The following PRICKLE2 variants were observed in gnomAD, a reference collection of about 807,000 sequenced individuals.
PRICKLE2 encodes the protein prickle planar cell polarity protein 2.
Under a neutral mutation model 81.4 loss-of-function variants are expected in PRICKLE2, and 21 were observed. That is an observed-to-expected ratio of 0.26 (90% CI 0.18 to 0.37). PRICKLE2 has a LOEUF of 0.37. Among genes scored for constraint, PRICKLE2 ranks in the 10% least tolerant of loss-of-function variants. PRICKLE2 has a pLI of 1.00. For synonymous variants in PRICKLE2, 456 were observed against 421.5 expected, an observed-to-expected ratio of 1.08 and a Z score of -1.00; for missense variants, 940 against 1,109.0, an observed-to-expected ratio of 0.85 and a Z score of 2.16.
chr3:64,258,792 C>G (rs1408127031), intron 2 of PRICKLE2, among the ~76,000 whole-genome samples: 1 of 130,496 alleles, frequency 7.7e-6, no homozygotes, highest in Non-Finnish European at 1.6e-5. Flanking sequence ...CCACTGCACT[C>G]TAGCCTGGGC....
rs2076557316 is a variant in PRICKLE2 at position 64,095,344 on chromosome 3, T to C, written c.*3707A>G. The C allele has an allele frequency of 6.6e-6, 1 of 152,202 alleles. No individual in the cohort carries two copies. The highest frequency in any genetic ancestry group is 2.4e-5 in the African/African-American group (1 of 41,454). The allele number at this position is 152,202 out of a possible 1,614,324, so 9.4% of individuals were successfully genotyped here. A position where few individuals can be genotyped will look rare whatever the true frequency, so the allele number is the denominator to read the frequency against. On this transcript the variant is annotated 3_prime_UTR_variant, in exon 8 of 8. Coordinates refer to ENST00000638394, the MANE Select transcript of PRICKLE2 (RefSeq NM_198859.4). Reference sequence around the variant, plus strand: ...GTAATTATGCTTCCTAAACTGTTTTTGTTCTACGGCAAGAGAACCAAGAGT... The same window carrying C: ...GTAATTATGCTTCCTAAACTGTTTTCGTTCTACGGCAAGAGAACCAAGAGT...
intron 2 of PRICKLE2, chr3:64,174,751 G>A (rs2077992511): frequency 1.4e-5 from 3 of 213,016 alleles, no homozygotes; most frequent in South Asian, 8.7e-5. Context: ...ATTTTACAAT[G>A]TGAACTGTGA....
rs777374375 is a variant in PRICKLE2, at chr3:64,098,016, G to A, written c.*1035C>T. 6.6e-6 allele frequency: 1 copy of A among 152,618 alleles called. No homozygotes were observed. Among genetic ancestry groups the A allele is most frequent in the Non-Finnish European group, 1.5e-5 (1 of 68,048 alleles). The allele number at this position is 152,618 out of a possible 1,614,324, so 9.5% of individuals were successfully genotyped here. On this transcript the variant is annotated 3_prime_UTR_variant, in exon 8 of 8. Transcript: ENST00000638394. The stretch of plus-strand genomic sequence containing the variant: ...TGCTTTGAGGACAACCGGTTGTCAG[G>A]CTAAGGCAGCAGTTCTGTCTGCCTT...
At chr3:64,236,649 T>C (rs1470737801) in intron 2 of PRICKLE2, among the ~76,000 whole-genome samples, 2 of 152,250 alleles carry the variant, frequency 1.3e-5, no homozygotes, top group Non-Finnish European at 2.9e-5. Context: ...CTAATTTATC[T>C]TGGTTTGAAA....
At chr3:64,265,119 G>T (rs556302252) in intron 2 of PRICKLE2, among the ~76,000 whole-genome samples, 1 of 151,698 alleles carries the variant, frequency 6.6e-6, no homozygotes, top group African/African-American at 2.4e-5. Context: ...AGAGGAGCAG[G>T]ATATGAAAAA....
Position 64,099,383 on chromosome 3 carries a change from T to C in PRICKLE2, c.2203A>G (p.Ser735Gly), listed in dbSNP as rs777735377. Reference protein sequence around the residue: ...QFMRQRSFQESMGHGSRRDLY... With the variant: ...QFMRQRSFQEGMGHGSRRDLY... ...TCCCTCCGGGACCCATGCCCCATGCTCTCCTGGAAGCTCCGCTGGCGCATA... is the reference window on the plus strand; with the variant it reads ...TCCCTCCGGGACCCATGCCCCATGCCCTCCTGGAAGCTCCGCTGGCGCATA... The change falls in exon 8 of 8, where the codon AGC becomes GGC. Residue 735 changes from serine to glycine, a missense_variant. Physicochemically the swap from Ser to Gly is moderately conservative, Grantham distance 56. Around this residue, in one of 2 missense-constraint regions of PRICKLE2, gnomAD observed 670 missense variants for 717.2 expected, o/e 0.93. Transcript: ENST00000638394. This position sits in a 1 kb window ranked among gnomAD's most constrained non-coding sequence, Gnocchi z 4.3. The C allele has an allele frequency of 6.2e-7, 1 of 1,605,408 alleles. No individual in the cohort carries two copies. Among genetic ancestry groups the C allele is most frequent in the East Asian group, 2.2e-5 (1 of 44,668 alleles).
Position 64,096,250 on chromosome 3 carries a change from A to AT in PRICKLE2, c.*2800dup, listed in dbSNP as rs1415649287. ...AAATCAGTCTCTTGAAGATGGAATT[A>AT]TGATCTAAGAGGAAGTGAGTACAGG... On this transcript the variant is annotated 3_prime_UTR_variant, in exon 8 of 8. Transcript: ENST00000638394. 1 of 152,268 alleles carries AT rather than the reference A, an allele frequency of 6.6e-6. No homozygotes were observed. The highest frequency in any genetic ancestry group is 1.5e-5 in the Non-Finnish European group (1 of 68,066). 9.4% of individuals were successfully genotyped at this position (152,268 alleles called of 1,614,324 possible). A position where few individuals can be genotyped will look rare whatever the true frequency, so the allele number is the denominator to read the frequency against.
At chr3:64,178,550 G>C (rs1004024237) in intron 2 of PRICKLE2, among the ~76,000 whole-genome samples, 1 of 152,154 alleles carries the variant, frequency 6.6e-6, no homozygotes, top group Non-Finnish European at 1.5e-5. Context: ...TTCCCCCTTT[G>C]TGCCTGGAAG....
At chr3:64,257,573 G>A (rs547638650) in intron 2 of PRICKLE2, among the ~76,000 whole-genome samples, 8 of 152,264 alleles carry the variant, frequency 5.3e-5, no homozygotes, top group African/African-American at 1.9e-4. Flanking sequence ...TCTTTAGCTG[G>A]GTGTTTACTC....
intron 2 of PRICKLE2, among the ~76,000 whole-genome samples, chr3:64,263,601 C>T (rs2079647930): frequency 6.6e-6 from 1 of 152,118 alleles, no homozygotes; most frequent in Non-Finnish European, 1.5e-5. Context: ...AGGCCTTGAG[C>T]ATTAGGAAAT....
chr3:64,202,251 A>C (rs2078596989), intron 1 of PRICKLE2, among the ~76,000 whole-genome samples: 1 of 152,154 alleles, frequency 6.6e-6, no homozygotes, highest in Non-Finnish European at 1.5e-5. Context: ...ATAAAATATG[A>C]ATTTTAGGAT....
intron 2 of PRICKLE2, among the ~76,000 whole-genome samples, chr3:64,231,315 A>T (rs869364): frequency 0.65 from 99,232 of 152,156 alleles, 35,522 homozygotes; most frequent in Non-Finnish European, 0.8. Context: ...TAGGCATACC[A>T]TTGCACATTT....
At chr3:64,157,650 G>C (rs962477664) in intron 4 of PRICKLE2, among the ~76,000 whole-genome samples, 12 of 152,158 alleles carry the variant, frequency 7.9e-5, no homozygotes, top group Admixed American at 6.5e-4. Flanking sequence ...AACGTACAGG[G>C]GCTCTGCAGG....
At chr3:64,108,468 C>T (rs567149881) in intron 7 of PRICKLE2, among the ~76,000 whole-genome samples, 3 of 152,026 alleles carry the variant, frequency 2.0e-5, no homozygotes, top group Non-Finnish European at 4.4e-5. Flanking sequence ...AACGCCACCA[C>T]ATGTTTCTTG....
At chr3:64,110,203 G>T (rs907291777) in intron 7 of PRICKLE2, among the ~76,000 whole-genome samples, 2 of 152,164 alleles carry the variant, frequency 1.3e-5, no homozygotes, top group Non-Finnish European at 2.9e-5. Context: ...TTTGCTCTGG[G>T]TTTACACTGA....
intron 2 of PRICKLE2, among the ~76,000 whole-genome samples, chr3:64,188,346 C>A (rs1200659024): frequency 1.3e-5 from 2 of 152,224 alleles, no homozygotes; most frequent in African/African-American, 4.8e-5. Context: ...GTGGCCTCAT[C>A]TATTCCTAGC....
chr3:64,152,552 ATT>A (rs11331326), intron 6 of PRICKLE2, among the ~76,000 whole-genome samples: 6 of 144,822 alleles, frequency 4.1e-5, no homozygotes, highest in East Asian at 2.0e-4. Flanking sequence ...AGCTTTTGCT[ATT>A]TTTTTTTTTT....
intron 1 of PRICKLE2, among the ~76,000 whole-genome samples, chr3:64,204,626 G>T (rs943518827): frequency 4.6e-5 from 7 of 151,022 alleles, no homozygotes. Flanking sequence ...AAGGAGGGGG[G>T]AAGAAAAGGA....
intron 7 of PRICKLE2, among the ~76,000 whole-genome samples, chr3:64,134,147 A>T (rs557152769): frequency 1.3e-5 from 2 of 152,314 alleles, no homozygotes; most frequent in South Asian, 4.1e-4. Flanking sequence ...CATTACATTT[A>T]CTCAGGAAGC....
Sources: allele counts gnomAD v4.1 joint callset (sites outside exome capture counted in the v4.1 genomes callset), GRCh38; gene constraint gnomAD v4.1.1; regional missense constraint gnomAD v4.1.1; non-coding constraint Gnocchi (gnomAD v3.1); transcripts MANE v1.5; gene names NCBI Gene and HGNC (gene_info 2026-07-23, HGNC 2026-07-21).